The following CDH13 variants were observed in gnomAD, a reference collection of about 807,000 sequenced individuals.
CDH13 encodes the protein cadherin 13, also known as cadherin-13.
A neutral mutation model predicts 63.8 loss-of-function variants in CDH13; 24 were observed. That is an observed-to-expected ratio of 0.38 (90% CI 0.27 to 0.53). CDH13 has a LOEUF of 0.53. CDH13 is among the 20% of genes least tolerant of loss of function. The pLI is 0.85. For synonymous variants in CDH13, 503 were observed against 355.3 expected (o/e 1.42, Z -4.67); for missense variants, 1,049 against 903.1 (o/e 1.16, Z -2.07).
At chr16:82,633,269 C>T (rs1268009047) in intron 1 of CDH13, among the ~76,000 whole-genome samples, 2 of 152,214 alleles carry the variant, frequency 1.3e-5, no homozygotes, top group African/African-American at 4.8e-5. Context: ...TAGACATAAC[C>T]AGAACGTCAC....
intron 2 of CDH13, among the ~76,000 whole-genome samples, chr16:82,860,728 C>T (rs569063040): frequency 3.0e-4 from 46 of 151,960 alleles, no homozygotes; most frequent in African/African-American, 8.9e-4. Flanking sequence ...ATAGAGCCTG[C>T]AGATAAGGTT....
intron 3 of CDH13, among the ~76,000 whole-genome samples, chr16:83,079,463 TA>T (rs1280221140): frequency 6.6e-6 from 1 of 152,202 alleles, no homozygotes; most frequent in Non-Finnish European, 1.5e-5. Flanking sequence ...TAAAATGGGA[TA>T]ATTATAATAA....
intron 5 of CDH13, among the ~76,000 whole-genome samples, chr16:83,228,481 G>C (rs143996310): frequency 6.6e-6 from 1 of 152,190 alleles, no homozygotes; most frequent in African/African-American, 2.4e-5. Flanking sequence ...AAGTCCACAC[G>C]CTAGCTGGGG....
chr16:82,672,513 A>T (rs937506054), intron 1 of CDH13, among the ~76,000 whole-genome samples: 1 of 151,886 alleles, frequency 6.6e-6, no homozygotes, highest in Non-Finnish European at 1.5e-5. Flanking sequence ...AATCACCCGG[A>T]TTCGAAACGT....
intron 7 of CDH13, among the ~76,000 whole-genome samples, chr16:83,487,574 C>T (rs542866741): frequency 3.9e-4 from 59 of 152,248 alleles, no homozygotes; most frequent in Non-Finnish European, 6.0e-4. Context: ...AAGACCCTCG[C>T]GGACCTCCAA....
intron 5 of CDH13, among the ~76,000 whole-genome samples, chr16:83,314,309 G>A (rs1199821236): frequency 6.6e-6 from 1 of 151,510 alleles, no homozygotes. Context: ...TTTCAAATGT[G>A]TCTTAATGGG....
chr16:82,632,673 T>A (rs9934219), intron 1 of CDH13, among the ~76,000 whole-genome samples: 2,088 of 152,274 alleles, frequency 0.014, 46 homozygotes, highest in African/African-American at 0.048. Flanking sequence ...CAGGGACCGG[T>A]TTCGTGGAAG....
At chr16:82,869,298 G>A (rs1204961207) in intron 2 of CDH13, among the ~76,000 whole-genome samples, 3 of 151,908 alleles carry the variant, frequency 2.0e-5, no homozygotes, top group African/African-American at 2.4e-5. Context: ...GTCCTGATTC[G>A]ACCTCCCAAA....
chr16:83,137,964 G>C (rs1216180876), intron 4 of CDH13, among the ~76,000 whole-genome samples: 2 of 151,996 alleles, frequency 1.3e-5, no homozygotes, highest in Non-Finnish European at 2.9e-5. Flanking sequence ...TAGGGTCCTG[G>C]GGGAAAGACG....
At chr16:83,667,735 G>A (rs1397692021) in intron 8 of CDH13, among the ~76,000 whole-genome samples, 2 of 152,158 alleles carry the variant, frequency 1.3e-5, no homozygotes, top group African/African-American at 4.8e-5. Context: ...ATAGCTCACT[G>A]CAGCCTCAAA....
rs570704298 is a variant in CDH13 at position 83,575,220 on chromosome 16, A to G, written c.961-27234A>G. ...GGGTGATGAAAATGTTCTAAAATCA[A>G]TTATGGTGATGGTGATGGTTGGACA... On this transcript the variant is annotated intron_variant, in intron 7 of 13. Transcript: ENST00000567109. Among the ~76,000 whole-genome samples, 56 of 152,336 alleles carry G rather than the reference A, an allele frequency of 3.7e-4. 1 individual carries two copies. In the Middle Eastern group the frequency reaches 0.01, roughly 28 times the overall value.
intron 2 of CDH13, among the ~76,000 whole-genome samples, chr16:83,014,743 A>AAAAT (rs1429094653): frequency 1.2e-3 from 39 of 33,204 alleles, no homozygotes; most frequent in African/African-American, 2.5e-3. Flanking sequence ...AAAAAAAAAA[A>AAAAT]ATATATATAT....
At chr16:83,051,906 G>C (rs1405741788) in intron 3 of CDH13, among the ~76,000 whole-genome samples, 1 of 152,074 alleles carries the variant, frequency 6.6e-6, no homozygotes, top group East Asian at 1.9e-4. Flanking sequence ...GATTTATTTG[G>C]ACTATGGTTT....
At chr16:83,401,215 G>A (rs965734934) in intron 6 of CDH13, among the ~76,000 whole-genome samples, 4 of 152,000 alleles carry the variant, frequency 2.6e-5, no homozygotes, top group African/African-American at 7.2e-5. Context: ...GTGTGCGCCT[G>A]TAATCCCAGC....
intron 7 of CDH13, among the ~76,000 whole-genome samples, chr16:83,552,881 C>G (rs1331245169): frequency 1.3e-5 from 2 of 152,118 alleles, no homozygotes; most frequent in Non-Finnish European, 2.9e-5. Flanking sequence ...GAGTTCGAGA[C>G]CAGCCTGACC....
At chr16:82,788,281 C>T (rs1013809733) in intron 1 of CDH13, among the ~76,000 whole-genome samples, 23 of 152,130 alleles carry the variant, frequency 1.5e-4, no homozygotes, top group African/African-American at 5.6e-4. Flanking sequence ...TGGGATGGTT[C>T]TCCACGTAGC....
chr16:83,748,265 A>G lies in CDH13; in HGVS notation c.1681+15A>G. 2 of 1,591,072 alleles carry G rather than the reference A, an allele frequency of 1.3e-6. No individual in the cohort carries two copies. The highest frequency in any genetic ancestry group is 1.7e-6 in the Non-Finnish European group (2 of 1,163,736). ...AATTGACAGTGGTGAGTACTTGACA[A>G]AGACCATCAAGGGTATACTTTTCTG... On this transcript the variant is annotated intron_variant, in intron 11 of 13. Coordinates refer to ENST00000567109, the MANE Select transcript of CDH13 (RefSeq NM_001257.5).
chr16:83,207,162 G>C (rs561941497), intron 4 of CDH13, among the ~76,000 whole-genome samples: 5 of 152,082 alleles, frequency 3.3e-5, no homozygotes, highest in Non-Finnish European at 7.4e-5. Flanking sequence ...CCACATTATT[G>C]TGCAACCATC....
chr16:83,402,205 T>TTGC (rs1007117928), intron 6 of CDH13, among the ~76,000 whole-genome samples: 14 of 152,176 alleles, frequency 9.2e-5, no homozygotes, highest in African/African-American at 2.4e-4. Context: ...ACTCCTCCTC[T>TTGC]TGCTGCTGCT....
Sources: allele counts gnomAD v4.1 joint callset (sites outside exome capture counted in the v4.1 genomes callset), GRCh38; gene constraint gnomAD v4.1.1; transcripts MANE v1.5; gene names NCBI Gene and HGNC (gene_info 2026-07-23, HGNC 2026-07-21).